INTS9: variants seen among roughly 807,000 people sequenced by gnomAD.
The protein encoded by INTS9 is protein related to CPSF subunits of 74 kDa.
A neutral mutation model predicts 79.7 loss-of-function variants in INTS9; 55 were observed. That is an observed-to-expected ratio of 0.69 (90% CI 0.56 to 0.86). The LOEUF (loss-of-function observed/expected upper bound fraction) is 0.86, where lower values mean the gene tolerates loss of function less well. Among genes scored for constraint, INTS9 ranks in the 40% least tolerant of loss-of-function variants. The pLI is 0.00. For missense variants in INTS9, 721 were observed against 831.5 expected (o/e 0.87, Z 1.64); for synonymous variants, 319 against 325.2 (o/e 0.98, Z 0.20).
chr8:28,801,032 T>G (rs1305838276), intron 8 of INTS9, among the ~76,000 whole-genome samples: 1 of 152,216 alleles, frequency 6.6e-6, no homozygotes, highest in East Asian at 1.9e-4. Context: ...TCAGCCTACC[T>G]GCCACCCTAG....
At chr8:28,835,224 C>T (rs1806733820) in intron 6 of INTS9, 68 bp downstream of exon 6, 1 of 1,001,104 alleles carries the variant, frequency 1.0e-6, no homozygotes, top group African/African-American at 1.6e-5. Flanking sequence ...AGGAAGAAAT[C>T]AAATGAGACT....
rs746816878 is a variant in INTS9 at position 28,793,976 on chromosome 8, G to A, written c.868C>T (p.Arg290Trp). ...GGAACCAACACGTTTCCTCCATTCC[G>A]GACTGTCAGAGCTAGAAAAGTGGAT... ...EFCSNLALTVRNGGNVLVPCY... is the reference protein window; with the variant it reads ...EFCSNLALTVWNGGNVLVPCY... The change falls in exon 10 of 17, where the codon CGG becomes TGG. Residue 290 changes from arginine (R) to tryptophan (W), a missense_variant. By Grantham distance (101) the Arg-to-Trp change is moderately radical (BLOSUM62 -3). Transcript: ENST00000521022. 7 of 1,591,234 alleles carry A rather than the reference G, an allele frequency of 4.4e-6. No homozygotes were observed. Among genetic ancestry groups the A allele is most frequent in the East Asian group, 2.2e-5 (1 of 44,496 alleles).
At chr8:28,880,179 CATT>C (rs1225288070) in intron 1 of INTS9, among the ~76,000 whole-genome samples, 1 of 152,120 alleles carries the variant, frequency 6.6e-6, no homozygotes, top group East Asian at 1.9e-4. Flanking sequence ...TAGAATATCT[CATT>C]ATGCTTGCCT....
intron 6 of INTS9, among the ~76,000 whole-genome samples, chr8:28,823,137 G>A (rs894878626): frequency 6.6e-6 from 1 of 152,158 alleles, no homozygotes; most frequent in African/African-American, 2.4e-5. Flanking sequence ...AATACCTATG[G>A]AGACTGAACA....
At chr8:28,850,159 A>C (rs1807751652) in intron 3 of INTS9, 54 bp downstream of exon 3, 2 of 1,462,254 alleles carry the variant, frequency 1.4e-6, no homozygotes, top group Non-Finnish European at 1.9e-6. Flanking sequence ...TGGTATGAGA[A>C]GATAGCTTTC....
chr8:28,768,266 G>A lies in INTS9; in HGVS notation c.1857C>T (p.Leu619=), dbSNP rs749116894. The stretch of plus-strand genomic sequence containing the variant: ...TCTGGATGAGCGTCTCAGCCTCCTG[G>A]AGCAGGACGATATGGCCCTTGGCTG... The part of the protein sequence containing the change: ...EDTAKGHIVL[L]QEAETLIQIE... The change falls in exon 17 of 17, where the codon CTC becomes CTT. Residue 619 remains leucine (L), a synonymous_variant. Transcript: ENST00000521022. 6.2e-7 allele frequency: 1 copy of A among 1,613,904 alleles called. No homozygotes were observed. The highest frequency in any genetic ancestry group is 1.1e-5 in the South Asian group (1 of 91,084).
Position 28,782,530 on chromosome 8 carries a change from T to TGCACACATGCACACATACAC in INTS9, c.1099-1556_1099-1537dup, listed in dbSNP as rs1274043341. Among the ~76,000 whole-genome samples, 27 of 152,364 alleles carry TGCACACATGCACACATACAC rather than the reference T, an allele frequency of 1.8e-4. 1 individual carries two copies. In the East Asian group the frequency reaches 2.1e-3, roughly 12 times the overall value. On this transcript the variant is annotated intron_variant, in intron 11 of 16. Transcript: ENST00000521022. ...AATGTGTACAGCATGTGGACATGTG[T>TGCACACATGCACACATACAC]GCACACATGCACACATACACGCACA...
chr8:28,782,132 T>C (rs762782047), intron 11 of INTS9, among the ~76,000 whole-genome samples: 2 of 152,248 alleles, frequency 1.3e-5, no homozygotes, highest in Non-Finnish European at 2.9e-5. Flanking sequence ...CAGAATGTGA[T>C]TTGTGGAACA....
chr8:28,804,420 T>C (rs1022217014), intron 8 of INTS9, among the ~76,000 whole-genome samples: 1 of 152,216 alleles, frequency 6.6e-6, no homozygotes, highest in African/African-American at 2.4e-5. Flanking sequence ...CCTTTTTTCT[T>C]TCCTCCGTAT....
intron 6 of INTS9, among the ~76,000 whole-genome samples, chr8:28,830,364 T>C (rs1056298654): frequency 6.6e-6 from 1 of 152,162 alleles, no homozygotes; most frequent in Admixed American, 6.5e-5. Flanking sequence ...CCAGGCATGG[T>C]GGCTCATGCC....
chr8:28,772,778 G>A (rs1349631157), intron 14 of INTS9, among the ~76,000 whole-genome samples: 2 of 151,970 alleles, frequency 1.3e-5, no homozygotes, highest in Admixed American at 6.6e-5. Context: ...CTGCACTTCA[G>A]CCTGGGCAAC....
At chr8:28,778,001 G>T in intron 12 of INTS9, 48 bp from the exon 13 acceptor site, 1 of 1,535,814 alleles carries the variant, frequency 6.5e-7, no homozygotes. Flanking sequence ...CTACACAGGA[G>T]CTGCCAAGCC....
In INTS9 at chr8:28,796,625, C is replaced by T. The variant is rs775809172; in HGVS notation, c.775G>A (p.Asp259Asn). 9.3e-6 allele frequency: 15 copies of T among 1,613,716 alleles called. No homozygotes were observed. The Admixed American group carries it at 1.0e-4, about 11-fold the overall frequency. Residue 259 changes from aspartate (D) to asparagine (N), a missense_variant, in exon 9 of 17, where the codon GAT becomes AAT. Coordinates refer to ENST00000521022, the MANE Select transcript of INTS9 (RefSeq NM_018250.4). Reference sequence around the variant, plus strand: ...GTAAGCCCTGTCAGAACAAGAACATCGCTGTTTTTGAGAGAAGCTTGGTCC... The same window carrying T: ...GTAAGCCCTGTCAGAACAAGAACATTGCTGTTTTTGAGAGAAGCTTGGTCC... ...PMDQASLKNS[D>N]VLVLTGLTQI...
At chr8:28,867,114 C>T (rs1808797127) in intron 1 of INTS9, among the ~76,000 whole-genome samples, 1 of 151,876 alleles carries the variant, frequency 6.6e-6, no homozygotes, top group South Asian at 2.1e-4. Flanking sequence ...TGGTGAAACC[C>T]CACCTCTACT....
chr8:28,835,094 C>T (rs1806726802), intron 6 of INTS9, among the ~76,000 whole-genome samples, 198 bp downstream of exon 6: 1 of 152,176 alleles, frequency 6.6e-6, no homozygotes, highest in Non-Finnish European at 1.5e-5. Context: ...ACTCTGGTAC[C>T]CAGCATAGCA....
chr8:28,783,031 G>A (rs889897268), intron 11 of INTS9, among the ~76,000 whole-genome samples: 3 of 151,306 alleles, frequency 2.0e-5, no homozygotes, highest in South Asian at 2.1e-4. Flanking sequence ...CCTGTAGTCC[G>A]TTACTCGGGA....
chr8:28,851,958 C>T (rs889263995), intron 2 of INTS9, among the ~76,000 whole-genome samples: 1 of 152,174 alleles, frequency 6.6e-6, no homozygotes, highest in South Asian at 2.1e-4. Flanking sequence ...GTAGCTCACA[C>T]CTGTAATCCC....
At chr8:28,870,224 T>C (rs1809004395) in intron 1 of INTS9, among the ~76,000 whole-genome samples, 1 of 152,092 alleles carries the variant, frequency 6.6e-6, no homozygotes, top group Non-Finnish European at 1.5e-5. Context: ...ATTGAAGTGG[T>C]TACCACAGGG....
At chr8:28,871,941 C>G (rs1563311988) in intron 1 of INTS9, among the ~76,000 whole-genome samples, 1 of 152,038 alleles carries the variant, frequency 6.6e-6, no homozygotes, top group Non-Finnish European at 1.5e-5. Flanking sequence ...AAAGCACAGT[C>G]AATTCATGAA....
Sources: allele counts gnomAD v4.1 joint callset (sites outside exome capture counted in the v4.1 genomes callset), GRCh38; gene constraint gnomAD v4.1.1; transcripts MANE v1.5; gene names NCBI Gene and HGNC (gene_info 2026-07-23, HGNC 2026-07-21).